CREB5: variants seen among roughly 807,000 people sequenced by gnomAD.
The protein encoded by CREB5 is cAMP responsive element binding protein 5.
In CREB5, 19 loss-of-function variants were observed where a neutral mutation model predicts 57.1. The ratio of observed to expected loss-of-function variants is 0.33; its 90% CI spans 0.23 to 0.49. The LOEUF (loss-of-function observed/expected upper bound fraction) is 0.49. CREB5 is among the 20% of genes least tolerant of loss of function. The pLI is 0.99. For synonymous variants in CREB5, 238 were observed against 238.3 expected (o/e 1.00, Z 0.01); for missense variants, 579 against 671.6 (o/e 0.86, Z 1.52).
At chr7:28,565,836 G>A (rs1244418143) in intron 4 of CREB5, among the ~76,000 whole-genome samples, 3 of 152,098 alleles carry the variant, frequency 2.0e-5, no homozygotes, top group Admixed American at 6.5e-5. Flanking sequence ...CAGGAGAATC[G>A]CTTGAACCCA....
chr7:28,549,086 C>T (rs1215536968), intron 4 of CREB5, among the ~76,000 whole-genome samples: 2 of 152,174 alleles, frequency 1.3e-5, no homozygotes, highest in Non-Finnish European at 2.9e-5. Flanking sequence ...GGGCTCTGCA[C>T]AATTTTTCAA....
chr7:28,488,140 CT>C, intron 1 of CREB5, 34 bp from the exon 2 acceptor site: 1 of 1,600,696 alleles, frequency 6.2e-7, no homozygotes. Flanking sequence ...TCATGGATTT[CT>C]TTTTCCTTCC....
chr7:28,794,934 C>T (rs1807940968), intron 7 of CREB5, among the ~76,000 whole-genome samples: 1 of 152,132 alleles, frequency 6.6e-6, no homozygotes, highest in Non-Finnish European at 1.5e-5. Flanking sequence ...AGCATGCCTG[C>T]CCATCAATTC....
At chr7:28,516,694 C>A (rs1792974942) in intron 4 of CREB5, among the ~76,000 whole-genome samples, 1 of 152,174 alleles carries the variant, frequency 6.6e-6, no homozygotes, top group African/African-American at 2.4e-5. Flanking sequence ...GAAAAGGTAG[C>A]TTTTCCCAGC....
At chr7:28,388,294 A>G (rs1306909066) in intron 1 of CREB5, among the ~76,000 whole-genome samples, 2 of 152,206 alleles carry the variant, frequency 1.3e-5, no homozygotes, top group African/African-American at 4.8e-5. Context: ...CCCAGAGCCC[A>G]GGCTGAGAAG....
chr7:28,670,555 C>T (rs1410388120), intron 5 of CREB5, among the ~76,000 whole-genome samples: 1 of 152,144 alleles, frequency 6.6e-6, no homozygotes, highest in Non-Finnish European at 1.5e-5. Context: ...ACACTTTACC[C>T]CAAAATAATA....
intron 4 of CREB5, among the ~76,000 whole-genome samples, chr7:28,556,891 A>G (rs1794902608): frequency 6.6e-6 from 1 of 152,188 alleles, no homozygotes; most frequent in Non-Finnish European, 1.5e-5. Flanking sequence ...TTCTTTGACC[A>G]GGAGCCACAG....
At chr7:28,400,489 C>T (rs6976778) in intron 1 of CREB5, among the ~76,000 whole-genome samples, 46,744 of 152,010 alleles carry the variant, frequency 0.31, 7,376 homozygotes, top group East Asian at 0.52. Flanking sequence ...GCACAATGTC[C>T]CAGTGTACTG....
chr7:28,809,206 A>T lies in CREB5; in HGVS notation c.1046A>T (p.Gln349Leu). The T allele has an allele frequency of 6.2e-7, 1 of 1,613,174 alleles. No individual in the cohort carries two copies. The highest frequency in any genetic ancestry group is 8.5e-7 in the Non-Finnish European group (1 of 1,179,460). ...NQAQVSPATQ[Q>L]MQPTQTIQPP... is the part of the protein sequence containing the mutation. ...CAGCAGGTTTCACCAGCAACACAACAGATGCAGCCAACCCAGACAATACAG... is the reference window on the plus strand; with the variant it reads ...CAGCAGGTTTCACCAGCAACACAACTGATGCAGCCAACCCAGACAATACAG... The change falls in exon 9 of 11, where the codon CAG (glutamine) becomes CTG (leucine). Residue 349 changes from glutamine (Q) to leucine (L), a missense_variant. Physicochemically the swap from Gln to Leu is moderately radical, Grantham distance 113. Coordinates refer to ENST00000357727, the MANE Select transcript of CREB5 (RefSeq NM_182898.4).
intron 4 of CREB5, among the ~76,000 whole-genome samples, chr7:28,544,586 G>T (rs577664825): frequency 1.6e-4 from 24 of 152,210 alleles, no homozygotes; most frequent in African/African-American, 5.5e-4. Context: ...TTTTTTTAAG[G>T]CAGTAACATA....
At chr7:28,471,427 T>G (rs1033163207) in intron 1 of CREB5, among the ~76,000 whole-genome samples, 1 of 152,166 alleles carries the variant, frequency 6.6e-6, no homozygotes, top group East Asian at 1.9e-4. Context: ...GTTCCATTGG[T>G]CTCTGTGTCT....
intron 5 of CREB5, among the ~76,000 whole-genome samples, chr7:28,640,316 T>G (rs1052902695): frequency 3.3e-5 from 5 of 152,256 alleles, no homozygotes; most frequent in African/African-American, 4.8e-5. Context: ...ACAACATTTC[T>G]GTGGTATTTT....
intron 5 of CREB5, among the ~76,000 whole-genome samples, chr7:28,677,862 C>A (rs1251221300): frequency 2.0e-5 from 3 of 151,944 alleles, no homozygotes; most frequent in Admixed American, 2.0e-4. Flanking sequence ...TCACTCCAGC[C>A]TGGGCAATGC....
intron 1 of CREB5, among the ~76,000 whole-genome samples, chr7:28,400,984 T>C (rs1787450032): frequency 1.3e-5 from 2 of 152,232 alleles, no homozygotes; most frequent in South Asian, 4.1e-4. Context: ...AAACCATTAC[T>C]TTCCACTTAC....
At chr7:28,367,703 G>C (rs1023931375) in intron 1 of CREB5, among the ~76,000 whole-genome samples, 2 of 152,194 alleles carry the variant, frequency 1.3e-5, no homozygotes, top group Non-Finnish European at 2.9e-5. Context: ...AGCTACTCGG[G>C]AGGCTGAGGC....
At chr7:28,395,647 A>G (rs1787319782) in intron 1 of CREB5, among the ~76,000 whole-genome samples, 1 of 152,190 alleles carries the variant, frequency 6.6e-6, no homozygotes, top group Non-Finnish European at 1.5e-5. Flanking sequence ...ATATGCTCCA[A>G]TTACAGAGAA....
intron 8 of CREB5, among the ~76,000 whole-genome samples, chr7:28,808,588 G>A (rs376839549): frequency 1.3e-5 from 2 of 152,056 alleles, no homozygotes; most frequent in African/African-American, 4.8e-5. Context: ...GCCCAGGCTG[G>A]AGTGCAGTGG....
intron 1 of CREB5, among the ~76,000 whole-genome samples, chr7:28,435,381 A>ATTTTTTTT (rs34815040): frequency 9.7e-6 from 1 of 103,522 alleles, no homozygotes. Context: ...TTTCCCTTCC[A>ATTTTTTTT]TTTTTTTTTT....
chr7:28,775,873 A>G (rs1233550122), intron 7 of CREB5, among the ~76,000 whole-genome samples: 1 of 152,096 alleles, frequency 6.6e-6, no homozygotes. Flanking sequence ...GTTCCAGTAG[A>G]TGCTTTATAT....
Sources: gnomAD v4.1 joint callset for allele counts (sites outside exome capture counted in the v4.1 genomes callset) on GRCh38, gnomAD v4.1.1 for gene constraint, MANE v1.5 for transcripts, NCBI Gene and HGNC (gene_info 2026-07-23, HGNC 2026-07-21) for gene names.